The following EP400 variants were observed in gnomAD, a reference collection of about 807,000 sequenced individuals.
EP400 encodes the protein E1A binding protein p400.
A neutral mutation model predicts 354.1 loss-of-function variants in EP400; 105 were observed. That is an observed-to-expected ratio of 0.30 (90% CI 0.25 to 0.35). EP400 has a LOEUF of 0.35. Among genes scored for constraint, EP400 ranks in the 10% least tolerant of loss-of-function variants. The pLI is 1.00. For missense variants in EP400, 3,280 were observed against 4,121.0 expected (o/e 0.80, Z 5.59); for synonymous variants, 1,646 against 1,716.9 (o/e 0.96, Z 1.02).
intron 12 of EP400, among the ~76,000 whole-genome samples, chr12:131,998,630 GT>G (rs1284271107): frequency 6.7e-6 from 1 of 149,002 alleles, no homozygotes; most frequent in Non-Finnish European, 1.5e-5. Flanking sequence ...AACTCTGTTT[GT>G]TAATTCTTTG....
intron 15 of EP400, 137 bp from the exon 16 acceptor site, chr12:132,011,361 C>A: frequency 1.8e-6 from 2 of 1,081,728 alleles, no homozygotes; most frequent in Non-Finnish European, 2.7e-6. Flanking sequence ...CTTGTTCCCC[C>A]CCAAGTCTGC....
rs772162746 is a variant in EP400, at chr12:131,961,907, G to A, written c.1288G>A (p.Glu430Lys). 1 of 1,613,768 alleles carries A rather than the reference G, an allele frequency of 6.2e-7. No homozygotes were observed. Among genetic ancestry groups the A allele is most frequent in the Non-Finnish European group, 8.5e-7 (1 of 1,179,756 alleles). ...TGATTTGGACATTGAAGAAGAGGAGGAGGAGGAGGAAGAGGAGGAAGAAAA... is the reference window on the plus strand; with the variant it reads ...TGATTTGGACATTGAAGAAGAGGAGAAGGAGGAGGAAGAGGAGGAAGAAAA... ...QNDLDIEEEEEEEEEEEEKSE... is the reference protein window; with the variant it reads ...QNDLDIEEEEKEEEEEEEKSE... Residue 430 changes from glutamate (E) to lysine (K), a missense_variant, in exon 2 of 53, where the codon GAG (glutamate) becomes AAG (lysine). Transcript: ENST00000389561.
At position 132,013,264 on chromosome 12, in the gene EP400, C is replaced by CA. The variant is rs1332575806; in HGVS notation, c.3611+89dup. ...GAAGAAATCTGCATAATTGCAGACA[C>CA]AAACAATGGCCTTTGAGCTAGAGAA... On this transcript the variant is annotated intron_variant, in intron 17 of 52. Transcript: ENST00000389561. This position sits in a 1 kb window ranked among gnomAD's most constrained non-coding sequence, Gnocchi z 4.5. 2.0e-6 allele frequency: 3 copies of CA among 1,482,924 alleles called. No homozygotes were observed. Among genetic ancestry groups the CA allele is most frequent in the Non-Finnish European group, 2.7e-6 (3 of 1,106,208 alleles). 91.9% of individuals were successfully genotyped at this position (1,482,924 alleles called of 1,614,324 possible). A position where few individuals can be genotyped will look rare whatever the true frequency, so the allele number is the denominator to read the frequency against.
chr12:132,050,637 C>G lies in EP400; in HGVS notation c.7376C>G (p.Ala2459Gly). The change falls in exon 41 of 53, where the codon GCG becomes GGG. Residue 2459 changes from alanine to glycine, a missense_variant. Physicochemically the swap from Ala to Gly is moderately conservative, Grantham distance 60. This residue lies in a region of EP400 where 29 missense variants were observed against 86.0 expected (regional missense o/e 0.34). Transcript: ENST00000389561. The surrounding 1 kb of genome is among the most constrained non-coding windows in gnomAD (Gnocchi z 4.8). ...MNPFQKNPKH[A>G]SVLAESGINY... is the part of the protein sequence containing the mutation. ...CCCTTTCAGAAGAACCCCAAGCACG[C>G]GTCTGTGTTGGCAGAAAGGTATTTC... 1 of 1,614,212 alleles carries G rather than the reference C, an allele frequency of 6.2e-7. No homozygotes were observed. The highest frequency in any genetic ancestry group is 8.5e-7 in the Non-Finnish European group (1 of 1,180,032).
At chr12:132,076,141 A>C (rs569326772) in intron 51 of EP400, 6 of 365,896 alleles carry the variant, frequency 1.6e-5, no homozygotes, top group South Asian at 1.3e-4. Flanking sequence ...CATTACTGGA[A>C]CGTCGTCCAG....
At chr12:132,073,556 C>T (rs530925580) in intron 51 of EP400, among the ~76,000 whole-genome samples, 2 of 149,420 alleles carry the variant, frequency 1.3e-5, no homozygotes, top group African/African-American at 5.0e-5. Context: ...TGTGTTCAAG[C>T]GAGTCTCCTG....
chr12:132,054,944 A>G lies in EP400; in HGVS notation c.7729-30A>G, dbSNP rs1452915118. ...TTATGCAGGGGAGAGCCTGACGTGA[A>G]ATTCAAATGGATTTTTTTTTTTTAA... On this transcript the variant is annotated intron_variant, in intron 43 of 52. Coordinates refer to ENST00000389561, the MANE Select transcript of EP400 (RefSeq NM_015409.5). This position sits in a 1 kb window ranked among gnomAD's most constrained non-coding sequence, Gnocchi z 4.0. The G allele has an allele frequency of 6.2e-7, 1 of 1,609,856 alleles. No individual in the cohort carries two copies. Among genetic ancestry groups the G allele is most frequent in the African/African-American group, 1.3e-5 (1 of 74,710 alleles).
At chr12:132,062,730 T>A in intron 47 of EP400, 29 bp downstream of exon 47, 1 of 1,609,224 alleles carries the variant, frequency 6.2e-7, no homozygotes, top group South Asian at 1.1e-5. Flanking sequence ...ACCATGAACG[T>A]GTGCGTCTTG....
chr12:132,003,276 CA>C (rs1213437404), intron 12 of EP400, among the ~76,000 whole-genome samples: 1 of 150,940 alleles, frequency 6.6e-6, no homozygotes, highest in South Asian at 2.1e-4. Flanking sequence ...AAAAAGATAC[CA>C]AAAAAATGTG....
intron 52 of EP400, among the ~76,000 whole-genome samples, 187 bp downstream of exon 52, chr12:132,076,780 G>A (rs1455979261): frequency 1.3e-5 from 2 of 152,236 alleles, no homozygotes; most frequent in East Asian, 3.8e-4. Context: ...GGTTGTGTCA[G>A]CCATACTGAG....
chr12:132,027,750 C>A lies in EP400; in HGVS notation c.5109+219C>A, dbSNP rs1894356450. 6.6e-6 allele frequency among the ~76,000 whole-genome samples: 1 copy of A among 152,228 alleles called. No individual in the cohort carries two copies. The highest frequency in any genetic ancestry group is 2.4e-5 in the African/African-American group (1 of 41,452). ...TTTTTTATGTCCTTCTGCAAGTCTT[C>A]CTGGGCATTAGAATTGCTCACTTGT... On this transcript the variant is annotated intron_variant, in intron 26 of 52. Coordinates refer to ENST00000389561, the MANE Select transcript of EP400 (RefSeq NM_015409.5). The surrounding 1 kb of genome is among the most constrained non-coding windows in gnomAD (Gnocchi z 4.9).
intron 30 of EP400, among the ~76,000 whole-genome samples, chr12:132,036,355 C>G (rs529401868): frequency 3.9e-4 from 59 of 150,734 alleles, no homozygotes; most frequent in African/African-American, 1.4e-3. Flanking sequence ...CACACAGGTT[C>G]ACATGGAACA....
Position 131,990,034 on chromosome 12 carries a change from A to G in EP400, c.2480A>G (p.Gln827Arg). ...LREERGKKEE[Q>R]SRLRRIAAST... The stretch of plus-strand genomic sequence containing the variant: ...GAAGAAAGGGGGAAGAAGGAAGAGC[A>G]GAGCAGACTGAGGCGGATAGCCGCC... The change falls in exon 8 of 53, where the codon CAG (glutamine) becomes CGG (arginine). Residue 827 changes from glutamine to arginine, a missense_variant. This residue lies in a region of EP400 where 800 missense variants were observed against 840.0 expected (regional missense o/e 0.95). Coordinates refer to ENST00000389561, the MANE Select transcript of EP400 (RefSeq NM_015409.5). This position sits in a 1 kb window ranked among gnomAD's most constrained non-coding sequence, Gnocchi z 4.2. 6.2e-7 allele frequency: 1 copy of G among 1,613,750 alleles called. No homozygotes were observed. The highest frequency in any genetic ancestry group is 8.5e-7 in the Non-Finnish European group (1 of 1,179,926).
chr12:131,992,024 G>A, intron 10 of EP400, 149 bp from the exon 11 acceptor site: 1 of 765,588 alleles, frequency 1.3e-6, no homozygotes, highest in Non-Finnish European at 2.3e-6. Flanking sequence ...CTCCCCCGCT[G>A]CCCTGCCCCG....
chr12:132,069,618 C>A lies in EP400; in HGVS notation c.8998C>A (p.Gln3000Lys), dbSNP rs761696539. 6.2e-7 allele frequency: 1 copy of A among 1,614,230 alleles called. No individual in the cohort carries two copies. Among genetic ancestry groups the A allele is most frequent in the South Asian group, 1.1e-5 (1 of 91,084 alleles). The change falls in exon 51 of 53, where the codon CAG becomes AAG. Residue 3000 changes from glutamine (Q) to lysine (K), a missense_variant. This residue lies in a region of EP400 where 279 missense variants were observed against 386.7 expected (regional missense o/e 0.72). Transcript: ENST00000389561. ...ISQAQKLAGAQQVQTQIQVAK... is the reference protein window; with the variant it reads ...ISQAQKLAGAKQVQTQIQVAK... ...CCAGGCCCAGAAACTGGCCGGGGCCCAGCAAGTGCAGACCCAGATCCAGGT... is the reference window on the plus strand; with the variant it reads ...CCAGGCCCAGAAACTGGCCGGGGCCAAGCAAGTGCAGACCCAGATCCAGGT...
intron 51 of EP400, among the ~76,000 whole-genome samples, chr12:132,074,177 G>A (rs1896157508): frequency 6.6e-6 from 1 of 151,870 alleles, no homozygotes; most frequent in Non-Finnish European, 1.5e-5. Flanking sequence ...CACCTGCCTC[G>A]GCCTCCCAAA....
intron 4 of EP400, among the ~76,000 whole-genome samples, 195 bp downstream of exon 4, chr12:131,981,791 A>G (rs1175603644): frequency 6.6e-6 from 1 of 152,162 alleles, no homozygotes; most frequent in Non-Finnish European, 1.5e-5. Context: ...TGCCACACTA[A>G]TGGGAGCCAC....
In EP400 at chr12:132,038,212, C is replaced by T; in HGVS notation, c.6207+116C>T. 1 of 1,324,508 alleles carries T rather than the reference C, an allele frequency of 7.5e-7. No individual in the cohort carries two copies. The highest frequency in any genetic ancestry group is 1.4e-5 in the South Asian group (1 of 70,604). 82.0% of individuals were successfully genotyped at this position (1,324,508 alleles called of 1,614,324 possible). A position where few individuals can be genotyped will look rare whatever the true frequency, so the allele number is the denominator to read the frequency against. ...CCACTCTTCCCTGGCCTGAAGCCCT[C>T]TTCCCGTCCCTGCTTTTGGAACCTC... On this transcript the variant is annotated intron_variant, in intron 32 of 52. Transcript: ENST00000389561. The surrounding 1 kb of genome is among the most constrained non-coding windows in gnomAD (Gnocchi z 4.2).
Position 132,017,786 on chromosome 12 carries a change from AACC to A in EP400, c.4110+67_4110+69del. 6.9e-7 allele frequency: 1 copy of A among 1,456,738 alleles called. No homozygotes were observed. The allele number at this position is 1,456,738 out of a possible 1,614,324, so 90.2% of individuals were successfully genotyped here. On this transcript the variant is annotated intron_variant, in intron 20 of 52. Coordinates refer to ENST00000389561, the MANE Select transcript of EP400 (RefSeq NM_015409.5). This position sits in a 1 kb window ranked among gnomAD's most constrained non-coding sequence, Gnocchi z 5.0. Reference sequence around the variant, plus strand: ...TCTTTTCTAGGCACATTATAGATAAAACCATTCTTGGAAATGGGTTCTCAACCA... The same window carrying A: ...TCTTTTCTAGGCACATTATAGATAAAATTCTTGGAAATGGGTTCTCAACCA...
Sources: gnomAD v4.1 joint callset for allele counts (sites outside exome capture counted in the v4.1 genomes callset) on GRCh38, gnomAD v4.1.1 for gene constraint, gnomAD v4.1.1 regional missense constraint, Gnocchi (gnomAD v3.1) non-coding constraint, MANE v1.5 for transcripts, NCBI Gene and HGNC (gene_info 2026-07-23, HGNC 2026-07-21) for gene names.